HECW2: variants seen among roughly 807,000 people sequenced by gnomAD.
HECW2 encodes E3 ubiquitin-protein ligase HECW2.
Under a neutral mutation model 175.2 loss-of-function variants are expected in HECW2, and 61 were observed. The observed-to-expected ratio is 0.35, with a 90% CI of 0.28 to 0.43. HECW2 has a LOEUF of 0.43. Among genes scored for constraint, HECW2 ranks in the 20% least tolerant of loss-of-function variants. The pLI, the probability that HECW2 is intolerant of heterozygous loss-of-function variation, is 1.00. For missense variants in HECW2, 1,524 were observed against 2,000.5 expected (o/e 0.76, Z 4.54); for synonymous variants, 671 against 731.0 (o/e 0.92, Z 1.32).
chr2:196,369,171 A>G (rs1458582604), intron 2 of HECW2, among the ~76,000 whole-genome samples: 1 of 152,132 alleles, frequency 6.6e-6, no homozygotes, highest in African/African-American at 2.4e-5. Context: ...TAAGTTTTTG[A>G]TCACTGCAGC....
At chr2:196,566,483 C>T (rs1690192315) in intron 1 of HECW2, among the ~76,000 whole-genome samples, 1 of 151,428 alleles carries the variant, frequency 6.6e-6, no homozygotes, top group African/African-American at 2.4e-5. Flanking sequence ...TAATTAAAAA[C>T]TAACATTTAT....
intron 17 of HECW2, among the ~76,000 whole-genome samples, chr2:196,266,253 A>C (rs188298388): frequency 7.9e-4 from 120 of 151,738 alleles, no homozygotes; most frequent in African/African-American, 2.5e-3. Context: ...AGGCTGAGGC[A>C]GGAGGATGGC....
chr2:196,541,443 G>C (rs745829263), intron 1 of HECW2, among the ~76,000 whole-genome samples: 3 of 152,116 alleles, frequency 2.0e-5, no homozygotes, highest in Non-Finnish European at 2.9e-5. Flanking sequence ...AGAATGGCTA[G>C]AGGATTGGGA....
At chr2:196,275,075 G>C (rs1217256057) in intron 15 of HECW2, among the ~76,000 whole-genome samples, 1 of 152,108 alleles carries the variant, frequency 6.6e-6, no homozygotes, top group Non-Finnish European at 1.5e-5. Context: ...TTTTTCTAAA[G>C]ACTCTAATGC....
intron 1 of HECW2, among the ~76,000 whole-genome samples, chr2:196,560,631 T>A (rs1689964765): frequency 1.3e-5 from 2 of 152,122 alleles, no homozygotes; most frequent in African/African-American, 4.8e-5. Context: ...GTCCAGAAAA[T>A]CAGTTTCTCA....
intron 1 of HECW2, chr2:196,586,758 A>G (rs2125535673): frequency 6.6e-6 from 1 of 152,174 alleles, no homozygotes; most frequent in Non-Finnish European, 1.5e-5. Context: ...AAAAAACAAA[A>G]AAAAACTCTT....
At chr2:196,533,588 A>C (rs1688918249) in intron 1 of HECW2, among the ~76,000 whole-genome samples, 1 of 151,846 alleles carries the variant, frequency 6.6e-6, no homozygotes, top group African/African-American at 2.4e-5. Flanking sequence ...CAGCAAAGTC[A>C]TATGTATCCT....
intron 19 of HECW2, among the ~76,000 whole-genome samples, chr2:196,251,337 G>A (rs1397109274): frequency 1.3e-5 from 2 of 152,124 alleles, no homozygotes; most frequent in African/African-American, 2.4e-5. Flanking sequence ...GGTTTCTCAT[G>A]ACATCATCCT....
chr2:196,593,227 T>G (rs1301292074), intron 1 of HECW2, among the ~76,000 whole-genome samples: 1 of 150,852 alleles, frequency 6.6e-6, no homozygotes, highest in Non-Finnish European at 1.5e-5. Flanking sequence ...TTGTGTCGAG[T>G]CAGCAGCGGC....
At chr2:196,366,454 C>T (rs939142002) in intron 2 of HECW2, among the ~76,000 whole-genome samples, 2 of 152,152 alleles carry the variant, frequency 1.3e-5, no homozygotes, top group Admixed American at 6.6e-5. Context: ...AAATAAATGA[C>T]CCTCAGTTAT....
intron 2 of HECW2, among the ~76,000 whole-genome samples, chr2:196,345,887 T>G (rs1473999658): frequency 6.6e-6 from 1 of 152,226 alleles, no homozygotes; most frequent in Non-Finnish European, 1.5e-5. Context: ...CTCTCCTATT[T>G]TCACAAATAA....
chr2:196,210,306 AC>A (rs1687231898), intron 28 of HECW2, among the ~76,000 whole-genome samples: 5 of 152,082 alleles, frequency 3.3e-5, no homozygotes, highest in Admixed American at 2.6e-4. Flanking sequence ...GCCTGTGTGT[AC>A]CTGAAGAAAT....
intron 16 of HECW2, among the ~76,000 whole-genome samples, chr2:196,271,955 C>G (rs6754199): frequency 0.039 from 6,004 of 152,090 alleles, 391 homozygotes; most frequent in African/African-American, 0.14. Flanking sequence ...TTTGACAAGC[C>G]ATATTTATTA....
At chr2:196,562,767 G>C (rs1301387415) in intron 1 of HECW2, among the ~76,000 whole-genome samples, 1 of 152,180 alleles carries the variant, frequency 6.6e-6, no homozygotes, top group African/African-American at 2.4e-5. Flanking sequence ...GCTTTGGCCA[G>C]GGTTGGTGGC....
chr2:196,580,855 T>C (rs1430907771), intron 1 of HECW2, among the ~76,000 whole-genome samples: 2 of 152,182 alleles, frequency 1.3e-5, no homozygotes, highest in Non-Finnish European at 2.9e-5. Context: ...TAAATGTTCA[T>C]AGCAGCATTA....
chr2:196,563,589 C>G (rs2103264), intron 1 of HECW2, among the ~76,000 whole-genome samples: 12,385 of 151,946 alleles, frequency 0.082, 654 homozygotes, highest in South Asian at 0.15. Context: ...AACAAACAAA[C>G]AAAATTCATT....
rs180908737 is a variant in HECW2 at position 196,384,343 on chromosome 2, G to A, written c.293-40579C>T. Among the ~76,000 whole-genome samples, 4 of 152,224 alleles carry A rather than the reference G, an allele frequency of 2.6e-5. No individual in the cohort carries two copies. In the East Asian group the frequency reaches 7.7e-4, roughly 29 times the overall value. ...TACCTGTAATTCCAACACTTTGGGA[G>A]GCCGAGGCAGGAGGATCGCTTGAGC... On this transcript the variant is annotated intron_variant, in intron 2 of 28. Coordinates refer to ENST00000644978, the MANE Select transcript of HECW2 (RefSeq NM_001348768.2).
At chr2:196,434,052 C>A (rs1695797237) in intron 1 of HECW2, among the ~76,000 whole-genome samples, 1 of 151,854 alleles carries the variant, frequency 6.6e-6, no homozygotes, top group African/African-American at 2.4e-5. Flanking sequence ...CTTGATTTTT[C>A]TCTATAGCAA....
At chr2:196,220,654 G>A in intron 25 of HECW2, 141 bp downstream of exon 25, 1 of 871,168 alleles carries the variant, frequency 1.1e-6, no homozygotes, top group Non-Finnish European at 1.8e-6. Context: ...GAAACATAAG[G>A]GAAAAAATAC....
Sources: allele counts gnomAD v4.1 joint callset (sites outside exome capture counted in the v4.1 genomes callset), GRCh38; gene constraint gnomAD v4.1.1; transcripts MANE v1.5; gene names NCBI Gene and HGNC (gene_info 2026-07-23, HGNC 2026-07-21).